PYGO1: variants seen among roughly 807,000 people sequenced by gnomAD.
The protein encoded by PYGO1 is pygopus family PHD finger 1.
A neutral mutation model predicts 29.5 loss-of-function variants in PYGO1; 6 were observed. The observed-to-expected ratio is 0.20, with a 90% confidence interval of 0.11 to 0.40. PYGO1 has a LOEUF of 0.40. Among genes scored for constraint, PYGO1 ranks in the 10% least tolerant of loss-of-function variants. The pLI, the probability that PYGO1 is intolerant of heterozygous loss-of-function variation, is 1.00. For synonymous variants in PYGO1, 186 were observed against 180.5 expected (o/e 1.03, Z -0.24); for missense variants, 515 against 514.9 (o/e 1.00, Z 0.00).
intron 1 of PYGO1, among the ~76,000 whole-genome samples, chr15:55,564,547 G>C (rs2058946945): frequency 6.6e-6 from 1 of 152,194 alleles, no homozygotes; most frequent in Non-Finnish European, 1.5e-5. Flanking sequence ...CCAGAACAGA[G>C]AGGTGGAGCA....
At chr15:55,576,079 T>C (rs1205648011) in intron 1 of PYGO1, among the ~76,000 whole-genome samples, 1 of 152,146 alleles carries the variant, frequency 6.6e-6, no homozygotes, top group African/African-American at 2.4e-5. Context: ...CCTGACCAAA[T>C]CCTAGTTGAT....
intron 1 of PYGO1, among the ~76,000 whole-genome samples, chr15:55,571,905 C>A (rs886803641): frequency 6.6e-6 from 1 of 151,696 alleles, no homozygotes; most frequent in African/African-American, 2.4e-5. Context: ...AGGTAAAAAA[C>A]AATGTTATTT....
At chr15:55,550,918 G>C (rs1377664522) in intron 1 of PYGO1, among the ~76,000 whole-genome samples, 5 of 152,184 alleles carry the variant, frequency 3.3e-5, no homozygotes, top group Non-Finnish European at 4.4e-5. Flanking sequence ...GGGGATGGGA[G>C]GTGGCGATGG....
upstream of PYGO1, among the ~76,000 whole-genome samples, chr15:55,588,461 CG>C (rs1053212264): frequency 2.1e-5 from 3 of 146,320 alleles, no homozygotes; most frequent in Non-Finnish European, 4.5e-5. Context: ...GGACGGGCTT[CG>C]GGGGGCGGGG....
rs2058819170 is a variant in PYGO1, at chr15:55,539,237, A to C, written c.*6786T>G. ...AGAAGGGAATGGGATCAGAAGACGC[A>C]AATTGTGTTAAATATCTCAAAAAGA... On this transcript the variant is annotated 3_prime_UTR_variant, in exon 3 of 3. Coordinates refer to ENST00000563719, the MANE Select transcript of PYGO1 (RefSeq NM_001367806.1). 6.6e-6 allele frequency: 1 copy of C among 152,220 alleles called. No homozygotes were observed. The highest frequency in any genetic ancestry group is 1.5e-5 in the Non-Finnish European group (1 of 68,016). The allele number at this position is 152,220 out of a possible 1,614,324, so 9.4% of individuals were successfully genotyped here.
chr15:55,565,304 A>C (rs560805549), intron 1 of PYGO1, among the ~76,000 whole-genome samples: 131 of 152,248 alleles, frequency 8.6e-4, no homozygotes, highest in African/African-American at 3.0e-3. Context: ...ATCAAAGCCT[A>C]GGCCCACTGA....
intron 1 of PYGO1, among the ~76,000 whole-genome samples, chr15:55,582,364 C>T (rs1006177383): frequency 6.6e-6 from 1 of 151,972 alleles, no homozygotes; most frequent in Non-Finnish European, 1.5e-5. Context: ...ACATTTTATT[C>T]CACACATTAA....
chr15:55,582,365 C>G (rs777855875), intron 1 of PYGO1, among the ~76,000 whole-genome samples: 2 of 151,950 alleles, frequency 1.3e-5, no homozygotes, highest in African/African-American at 2.4e-5. Flanking sequence ...CATTTTATTC[C>G]ACACATTAAA....
In PYGO1 at chr15:55,566,674, T is replaced by C. The variant is rs116751157; in HGVS notation, c.50-17679A>G. On this transcript the variant is annotated intron_variant, in intron 1 of 2. Coordinates refer to ENST00000563719, the MANE Select transcript of PYGO1 (RefSeq NM_001367806.1). ...CAAACTGCTTTCCACAGTGACTAAT[T>C]TATATTCTCACCAACAGTCTATGTG... is the stretch of plus-strand genomic sequence containing the variant. Among the ~76,000 whole-genome samples, 203 of 152,294 alleles carry C rather than the reference T, an allele frequency of 1.3e-3. 1 individual carries two copies. Among genetic ancestry groups the C allele is most frequent in the African/African-American group, 4.7e-3 (196 of 41,558 alleles).
At chr15:55,553,503 C>G (rs1010665181) in intron 1 of PYGO1, among the ~76,000 whole-genome samples, 1 of 152,076 alleles carries the variant, frequency 6.6e-6, no homozygotes, top group Admixed American at 6.5e-5. Context: ...TCAAGCGATC[C>G]TCCTGCCTCA....
intron 1 of PYGO1, among the ~76,000 whole-genome samples, chr15:55,586,353 T>C (rs1398680323): frequency 1.3e-5 from 2 of 152,228 alleles, no homozygotes; most frequent in East Asian, 1.9e-4. Flanking sequence ...CTCACTCTTA[T>C]GCTCAAAACT....
chr15:55,555,975 A>T (rs890064833), intron 1 of PYGO1, among the ~76,000 whole-genome samples: 2 of 152,150 alleles, frequency 1.3e-5, no homozygotes, highest in Admixed American at 6.6e-5. Context: ...ATATATTTGC[A>T]CCCAACACAG....
chr15:55,552,361 CAAAAAAA>C (rs56789656), intron 1 of PYGO1, among the ~76,000 whole-genome samples: 3 of 53,016 alleles, frequency 5.7e-5, no homozygotes, highest in Non-Finnish European at 8.7e-5. Flanking sequence ...ACTCTGTCTC[CAAAAAAA>C]AAAAAAAAAA....
intron 1 of PYGO1, among the ~76,000 whole-genome samples, chr15:55,576,350 G>A (rs2059001632): frequency 3.4e-5 from 5 of 147,210 alleles, no homozygotes; most frequent in South Asian, 2.2e-4. Flanking sequence ...CAGCTACTTG[G>A]GAGGCTGAGG....
At chr15:55,579,184 C>A (rs2059015996) in intron 1 of PYGO1, among the ~76,000 whole-genome samples, 1 of 152,070 alleles carries the variant, frequency 6.6e-6, no homozygotes, top group Non-Finnish European at 1.5e-5. Flanking sequence ...ATGATGATTG[C>A]AGATTAATAA....
Position 55,557,929 on chromosome 15 carries a change from G to A in PYGO1, c.50-8934C>T, listed in dbSNP as rs1311272423. ...CTGGAAGCATTCCCTTTGAAAACTG[G>A]CACAAGACAGGGATGCCCTCTCTTA... is the stretch of plus-strand genomic sequence containing the variant. On this transcript the variant is annotated intron_variant, in intron 1 of 2. Transcript: ENST00000563719. 5.3e-5 allele frequency among the ~76,000 whole-genome samples: 8 copies of A among 152,258 alleles called. No individual in the cohort carries two copies. The South Asian group carries it at 1.7e-3, about 32-fold the overall frequency.
At chr15:55,578,670 T>G (rs1465899176) in intron 1 of PYGO1, among the ~76,000 whole-genome samples, 6 of 152,248 alleles carry the variant, frequency 3.9e-5, no homozygotes, top group Admixed American at 2.0e-4. Flanking sequence ...GAAATGTCTA[T>G]TCAATCCTTT....
At chr15:55,585,598 G>C (rs1159593373) in intron 1 of PYGO1, among the ~76,000 whole-genome samples, 1 of 151,876 alleles carries the variant, frequency 6.6e-6, no homozygotes, top group Admixed American at 6.6e-5. Context: ...TTTTATTCTG[G>C]TACTTAACTC....
At chr15:55,568,491 T>C (rs1431494299) in intron 1 of PYGO1, among the ~76,000 whole-genome samples, 1 of 152,164 alleles carries the variant, frequency 6.6e-6, no homozygotes, top group Non-Finnish European at 1.5e-5. Flanking sequence ...TAAATTCTAA[T>C]AGCCTTTTGG....
Sources: gnomAD v4.1 joint callset for allele counts (sites outside exome capture counted in the v4.1 genomes callset) on GRCh38, gnomAD v4.1.1 for gene constraint, MANE v1.5 for transcripts, NCBI Gene and HGNC (gene_info 2026-07-23, HGNC 2026-07-21) for gene names.